Variants in ARHGAP24 observed in about 807,000 individuals in gnomAD.
ARHGAP24 encodes rho GTPase-activating protein 24.
In ARHGAP24, 50 loss-of-function variants were observed where a neutral mutation model predicts 76.4. The ratio of observed to expected loss-of-function variants is 0.65; its 90% CI spans 0.52 to 0.83. The LOEUF (loss-of-function observed/expected upper bound fraction) is 0.83. Among genes scored for constraint, ARHGAP24 ranks in the 40% least tolerant of loss-of-function variants. The probability of loss-of-function intolerance (pLI) is 0.00; values close to 1 mark genes in which losing one functional copy is unlikely to be tolerated. For synonymous variants in ARHGAP24, 345 were observed against 323.3 expected (o/e 1.07, Z -0.72); for missense variants, 930 against 914.2 (o/e 1.02, Z -0.22).
intron 2 of ARHGAP24, among the ~76,000 whole-genome samples, chr4:85,690,896 C>T (rs1264854970): frequency 1.3e-5 from 2 of 150,852 alleles, no homozygotes. Flanking sequence ...ATTGGATGTT[C>T]TTTTGTTGTT....
intron 1 of ARHGAP24, among the ~76,000 whole-genome samples, chr4:85,553,551 CTACCGGATT>C (rs1726232104): frequency 6.6e-6 from 1 of 152,032 alleles, no homozygotes; most frequent in South Asian, 2.1e-4. Context: ...TCCAAGTCCC[CTACCGGATT>C]AGCTAGACAC....
intron 5 of ARHGAP24, among the ~76,000 whole-genome samples, chr4:85,969,902 A>C (rs2148849500): frequency 6.6e-6 from 1 of 152,352 alleles, no homozygotes; most frequent in East Asian, 1.9e-4. Context: ...ACAAGGTTTT[A>C]AGATGACCTC....
intron 3 of ARHGAP24, among the ~76,000 whole-genome samples, chr4:85,801,726 G>A (rs953385829): frequency 5.3e-5 from 8 of 152,230 alleles, no homozygotes; most frequent in African/African-American, 1.9e-4. Context: ...ACAAAACACG[G>A]CTTGTGATCC....
intron 1 of ARHGAP24, among the ~76,000 whole-genome samples, chr4:85,519,536 A>C (rs1724655150): frequency 6.6e-6 from 1 of 152,172 alleles, no homozygotes; most frequent in African/African-American, 2.4e-5. Flanking sequence ...GAAGTGGGTG[A>C]GATCATTTAT....
At chr4:85,932,081 G>A (rs1021086232) in intron 4 of ARHGAP24, among the ~76,000 whole-genome samples, 7 of 151,988 alleles carry the variant, frequency 4.6e-5, no homozygotes, top group African/African-American at 1.5e-4. Flanking sequence ...TTTCCTTTGC[G>A]TAGCTAAGAC....
chr4:85,568,137 A>G (rs771542438), intron 1 of ARHGAP24, among the ~76,000 whole-genome samples: 8 of 152,116 alleles, frequency 5.3e-5, no homozygotes, highest in African/African-American at 9.7e-5. Context: ...GGAAATATCT[A>G]CTTGTATTTT....
At chr4:85,612,863 A>G (rs991726487) in intron 2 of ARHGAP24, among the ~76,000 whole-genome samples, 2 of 135,028 alleles carry the variant, frequency 1.5e-5, no homozygotes, top group African/African-American at 2.7e-5. Context: ...CAGTGGCACA[A>G]TCATGGCTCA....
At position 85,485,376 on chromosome 4, in the gene ARHGAP24, AATATATATATATATAT is replaced by A. The variant is rs56176066; in HGVS notation, c.-21+9840_-21+9855del. Among the ~76,000 whole-genome samples the A allele has an allele frequency of 8.0e-3, 358 of 45,004 alleles. 1 individual carries two copies. The highest frequency in any genetic ancestry group is 0.019 in the African/African-American group (213 of 11,080). The allele number at this position is 45,004 out of a possible 152,430, so 29.5% of individuals were successfully genotyped here. ...AAAAAAAAAAAAAAAAAAAAAAAAAAATATATATATATATATATATATATATATATATATATATCTC... is the reference window on the plus strand; with the variant it reads ...AAAAAAAAAAAAAAAAAAAAAAAAAAATATATATATATATATATATATCTC... On this transcript the variant is annotated intron_variant, in intron 1 of 9. Transcript: ENST00000395184.
intron 3 of ARHGAP24, among the ~76,000 whole-genome samples, chr4:85,840,606 C>T (rs908758483): frequency 6.6e-6 from 1 of 152,166 alleles, no homozygotes; most frequent in Admixed American, 6.5e-5. Flanking sequence ...AGGATTGGCT[C>T]TCATAGCTTT....
chr4:85,858,172 T>C (rs1417990499), intron 3 of ARHGAP24, among the ~76,000 whole-genome samples: 1 of 152,186 alleles, frequency 6.6e-6, no homozygotes, highest in Non-Finnish European at 1.5e-5. Context: ...GTTTATTTAA[T>C]ACCAGTTGCA....
chr4:85,654,162 A>G (rs1241742681), intron 2 of ARHGAP24, among the ~76,000 whole-genome samples: 1 of 152,128 alleles, frequency 6.6e-6, no homozygotes, highest in African/African-American at 2.4e-5. Context: ...CTGGAAGTTG[A>G]AAATCAAGGT....
At position 85,596,437 on chromosome 4, in the gene ARHGAP24, A is replaced by G. The variant is rs565582226; in HGVS notation, c.180+25716A>G. ...CCCAGTTTTTGCTTTGTCTGCCATA[A>G]AAAGTGTTGTTGTTCCAGTGATGTT... On this transcript the variant is annotated intron_variant, in intron 2 of 9. Transcript: ENST00000395184. 4.6e-5 allele frequency among the ~76,000 whole-genome samples: 7 copies of G among 152,148 alleles called. No individual in the cohort carries two copies. In the South Asian group the frequency reaches 6.2e-4, roughly 14 times the overall value.
intron 2 of ARHGAP24, among the ~76,000 whole-genome samples, chr4:85,689,936 T>C (rs1466954119): frequency 3.9e-5 from 5 of 129,158 alleles, no homozygotes; most frequent in Non-Finnish European, 7.8e-5. Context: ...ATCTTTGTCT[T>C]GTTCCACTTC....
intron 3 of ARHGAP24, among the ~76,000 whole-genome samples, chr4:85,762,678 G>A (rs1008626465): frequency 6.6e-6 from 1 of 152,092 alleles, no homozygotes; most frequent in African/African-American, 2.4e-5. Context: ...AATGAGCTGG[G>A]ATTCTTCCAG....
At chr4:85,872,023 A>G (rs1255820765) in intron 3 of ARHGAP24, among the ~76,000 whole-genome samples, 1 of 151,580 alleles carries the variant, frequency 6.6e-6, no homozygotes, top group Non-Finnish European at 1.5e-5. Context: ...TGTGCACCAT[A>G]TATTAAGTCT....
chr4:85,966,852 C>T (rs1310301965), intron 5 of ARHGAP24, among the ~76,000 whole-genome samples: 1 of 152,044 alleles, frequency 6.6e-6, no homozygotes, highest in African/African-American at 2.4e-5. Flanking sequence ...TAATAACTTC[C>T]TGTGTGGGTG....
In ARHGAP24 at chr4:86,000,828, T is replaced by C; in HGVS notation, c.*106T>C. 1 of 1,513,512 alleles carries C rather than the reference T, an allele frequency of 6.6e-7. No individual in the cohort carries two copies. The highest frequency in any genetic ancestry group is 2.3e-5 in the East Asian group (1 of 42,800). The allele number at this position is 1,513,512 out of a possible 1,614,324, so 93.8% of individuals were successfully genotyped here. ...CTGGTCACCTGGATGTACAGAAGTC[T>C]AACTGGTGAAGGAATATCATTTACA... is the stretch of plus-strand genomic sequence containing the variant. On this transcript the variant is annotated 3_prime_UTR_variant, in exon 10 of 10. Coordinates refer to ENST00000395184, the MANE Select transcript of ARHGAP24 (RefSeq NM_001025616.3).
At chr4:85,675,335 C>T (rs988576161) in intron 2 of ARHGAP24, among the ~76,000 whole-genome samples, 3 of 152,146 alleles carry the variant, frequency 2.0e-5, no homozygotes, top group Non-Finnish European at 4.4e-5. Context: ...CCTTTCTAGT[C>T]CTCTATGAAT....
At chr4:85,591,418 G>T (rs892468970) in intron 2 of ARHGAP24, among the ~76,000 whole-genome samples, 2 of 152,112 alleles carry the variant, frequency 1.3e-5, no homozygotes, top group East Asian at 3.9e-4. Flanking sequence ...ATGCTCATCT[G>T]CTTTCTACTT....
Sources: gnomAD v4.1 joint callset for allele counts (sites outside exome capture counted in the v4.1 genomes callset) on GRCh38, gnomAD v4.1.1 for gene constraint, MANE v1.5 for transcripts, NCBI Gene and HGNC (gene_info 2026-07-23, HGNC 2026-07-21) for gene names.